Variants in RAB21 observed in about 807,000 individuals in gnomAD.
RAB21 encodes RAB21, member RAS oncogene family.
RAB21 carries 13 observed loss-of-function variants against 33.1 expected under a neutral mutation model. The observed-to-expected ratio is 0.39, with a 90% CI of 0.26 to 0.62. The LOEUF is 0.62. RAB21 is among the 20% of genes least tolerant of loss of function. The probability of loss-of-function intolerance (pLI) is 0.48; values close to 1 mark genes in which losing one functional copy is unlikely to be tolerated. For missense variants in RAB21, 234 were observed against 279.1 expected, an observed-to-expected ratio of 0.84 and a Z score of 1.15; for synonymous variants, 91 against 103.7, an observed-to-expected ratio of 0.88 and a Z score of 0.74.
rs557010151 is a variant in RAB21, at chr12:71,776,784, TA to T, written c.391+2771del. Among the ~76,000 whole-genome samples the T allele has an allele frequency of 3.2e-3, 478 of 151,178 alleles. 3 individuals are homozygous for T. Among genetic ancestry groups the T allele is most frequent in the African/African-American group, 0.01 (415 of 41,246 alleles). ...AACTTATTAGGATAACTTAAAGGAT[TA>T]AAAAAAAAGTATTTTGGGCCTCGTT... On this transcript the variant is annotated intron_variant, in intron 4 of 6. Transcript: ENST00000261263.
At position 71,798,809 on chromosome 12, in the gene RAB21, A is replaced by G. The variant is rs1883499813; in HGVS notation, c.*13136A>G. ...TAAACTGGAACAACCGCTAAGGATG[A>G]CAGTGAATTCTGAATTTATTTACCC... On this transcript the variant is annotated 3_prime_UTR_variant, in exon 7 of 7. Coordinates refer to ENST00000261263, the MANE Select transcript of RAB21 (RefSeq NM_014999.4). 6.6e-6 allele frequency: 1 copy of G among 152,228 alleles called. No homozygotes were observed. The highest frequency in any genetic ancestry group is 1.5e-5 in the Non-Finnish European group (1 of 68,042). The allele number at this position is 152,228 out of a possible 1,614,324, so 9.4% of individuals were successfully genotyped here.
chr12:71,757,187 C>T (rs1441461829), intron 1 of RAB21, among the ~76,000 whole-genome samples: 1 of 152,188 alleles, frequency 6.6e-6, no homozygotes, highest in Non-Finnish European at 1.5e-5. Flanking sequence ...CCACTCACTG[C>T]AACCTCCACC....
intron 1 of RAB21, among the ~76,000 whole-genome samples, chr12:71,761,993 T>G (rs1882879003): frequency 6.6e-6 from 1 of 152,216 alleles, no homozygotes; most frequent in African/African-American, 2.4e-5. Flanking sequence ...TGATTTATTA[T>G]AATATCTTCA....
intron 1 of RAB21, among the ~76,000 whole-genome samples, chr12:71,756,117 T>C (rs1414102016): frequency 6.6e-6 from 1 of 152,230 alleles, no homozygotes; most frequent in East Asian, 1.9e-4. Flanking sequence ...AGGAGAAATT[T>C]ATCCTACTAA....
intron 4 of RAB21, 123 bp from the exon 5 acceptor site, chr12:71,781,908 T>C: frequency 1.5e-6 from 1 of 678,108 alleles, no homozygotes; most frequent in Middle Eastern, 4.3e-4. Context: ...ACATTAGAAG[T>C]CTGGTGGGGA....
chr12:71,793,933 T>C lies in RAB21; in HGVS notation c.*8260T>C, dbSNP rs534960401. On this transcript the variant is annotated 3_prime_UTR_variant, in exon 7 of 7. Transcript: ENST00000261263. ...CTTTCCAATCAAAAGTGTTAAAAGC[T>C]GGCTGGGAGCCATGGCTCATGCCTG... 1 of 152,374 alleles carries C rather than the reference T, an allele frequency of 6.6e-6. No individual in the cohort carries two copies. Among genetic ancestry groups the C allele is most frequent in the East Asian group, 1.9e-4 (1 of 5,172 alleles). The allele number at this position is 152,374 out of a possible 1,614,324, so 9.4% of individuals were successfully genotyped here. A position where few individuals can be genotyped will look rare whatever the true frequency, so the allele number is the denominator to read the frequency against.
rs896683927 is a variant in RAB21 at position 71,782,052 on chromosome 12, A to G, written c.413A>G (p.Lys138Arg). The change falls in exon 5 of 7, where the codon AAG (lysine) becomes AGG (arginine). Residue 138 changes from lysine to arginine, a missense_variant. Transcript: ENST00000261263. ...CIVGNKIDLE[K>R]ERHVSIQEAE... is the part of the protein sequence containing the mutation. ...ATAGGTAATAAAATAGACTTGGAAA[A>G]GGAGAGACATGTTTCCATTCAAGAA... 6.2e-7 allele frequency: 1 copy of G among 1,606,296 alleles called. No individual in the cohort carries two copies. Among genetic ancestry groups the G allele is most frequent in the African/African-American group, 1.3e-5 (1 of 74,896 alleles).
intron 5 of RAB21, 143 bp from the exon 6 acceptor site, chr12:71,782,427 G>T: frequency 1.8e-6 from 1 of 557,858 alleles, no homozygotes; most frequent in Non-Finnish European, 3.1e-6. Context: ...TTAATGTATA[G>T]AGAATTTAAA....
At position 71,775,890 on chromosome 12, in the gene RAB21, G is replaced by A. The variant is rs377563193; in HGVS notation, c.391+1868G>A. Among the ~76,000 whole-genome samples, 142 of 152,150 alleles carry A rather than the reference G, an allele frequency of 9.3e-4. No individual in the cohort carries two copies. In the Middle Eastern group the frequency reaches 0.01, roughly 11 times the overall value. On this transcript the variant is annotated intron_variant, in intron 4 of 6. Coordinates refer to ENST00000261263, the MANE Select transcript of RAB21 (RefSeq NM_014999.4). Reference sequence around the variant, plus strand: ...CTTATCTCTTGCCACCATTACATTGGTAGCTTTATAGTACCAGATCAGGGG... The same window carrying A: ...CTTATCTCTTGCCACCATTACATTGATAGCTTTATAGTACCAGATCAGGGG...
In RAB21 at chr12:71,787,305, A is replaced by T. The variant is rs181792558; in HGVS notation, c.*1632A>T. On this transcript the variant is annotated 3_prime_UTR_variant, in exon 7 of 7. Transcript: ENST00000261263. ...TGAACTTAAATGTGTTAATTTTAGT[A>T]GAATCAGGCACTGCTCGCAGAAGGA... 5 of 152,290 alleles carry T rather than the reference A, an allele frequency of 3.3e-5. No individual in the cohort carries two copies. The highest frequency in any genetic ancestry group is 2.6e-4 in the Admixed American group (4 of 15,296). The allele number at this position is 152,290 out of a possible 1,614,324, so 9.4% of individuals were successfully genotyped here.
At position 71,792,710 on chromosome 12, in the gene RAB21, A is replaced by C. The variant is rs1363941589; in HGVS notation, c.*7037A>C. ...AGTGCCTTCTGTATGCCCAGTGCAC[A>C]AACTGCTATGTGCCCAGTGTACATA... On this transcript the variant is annotated 3_prime_UTR_variant, in exon 7 of 7. Coordinates refer to ENST00000261263, the MANE Select transcript of RAB21 (RefSeq NM_014999.4). 2 of 152,230 alleles carry C rather than the reference A, an allele frequency of 1.3e-5. No homozygotes were observed. The highest frequency in any genetic ancestry group is 4.8e-5 in the African/African-American group (2 of 41,462). 9.4% of individuals were successfully genotyped at this position (152,230 alleles called of 1,614,324 possible).
rs996257575 is a variant in RAB21 at position 71,789,376 on chromosome 12, T to C, written c.*3703T>C. On this transcript the variant is annotated 3_prime_UTR_variant, in exon 7 of 7. Transcript: ENST00000261263. ...GATTCTAGATAGTTGATCTTACATA[T>C]TCAGATAGTATAGTTTACTCTTATA... is the stretch of plus-strand genomic sequence containing the variant. 6.6e-6 allele frequency: 1 copy of C among 152,086 alleles called. No individual in the cohort carries two copies. Among genetic ancestry groups the C allele is most frequent in the African/African-American group, 2.4e-5 (1 of 41,440 alleles). 9.4% of individuals were successfully genotyped at this position (152,086 alleles called of 1,614,324 possible). A position where few individuals can be genotyped will look rare whatever the true frequency, so the allele number is the denominator to read the frequency against.
intron 4 of RAB21, 178 bp downstream of exon 4, chr12:71,774,200 G>A (rs569930958): frequency 5.9e-5 from 20 of 339,002 alleles, no homozygotes; most frequent in South Asian, 3.2e-4. Flanking sequence ...TAATTCCAGC[G>A]CCTTGGGAGG....
intron 1 of RAB21, among the ~76,000 whole-genome samples, chr12:71,755,703 C>A (rs1174556411): frequency 1.3e-5 from 2 of 152,194 alleles, no homozygotes; most frequent in Non-Finnish European, 2.9e-5. Context: ...TTTGTAACTT[C>A]AGCGCTTACT....
In RAB21 at chr12:71,798,806, A is replaced by G. The variant is rs1592656387; in HGVS notation, c.*13133A>G. 3.3e-5 allele frequency: 5 copies of G among 152,224 alleles called. No individual in the cohort carries two copies. Among genetic ancestry groups the G allele is most frequent in the Admixed American group, 2.6e-4 (4 of 15,278 alleles). The allele number at this position is 152,224 out of a possible 1,614,324, so 9.4% of individuals were successfully genotyped here. A position where few individuals can be genotyped will look rare whatever the true frequency, so the allele number is the denominator to read the frequency against. ...GGGTAAACTGGAACAACCGCTAAGG[A>G]TGACAGTGAATTCTGAATTTATTTA... is the stretch of plus-strand genomic sequence containing the variant. On this transcript the variant is annotated 3_prime_UTR_variant, in exon 7 of 7. Transcript: ENST00000261263.
intron 1 of RAB21, among the ~76,000 whole-genome samples, 176 bp downstream of exon 1, chr12:71,755,464 G>A (rs1360532164): frequency 1.3e-5 from 2 of 152,154 alleles, no homozygotes; most frequent in Non-Finnish European, 2.9e-5. Context: ...GGGGCAGCCT[G>A]TAGACGCGAG....
chr12:71,793,835 G>A lies in RAB21; in HGVS notation c.*8162G>A, dbSNP rs146606802. ...TTTGGGTTCTGGGTTCTAGGTTCTA[G>A]GCTAATAATTTACTACTTTGGTATG... On this transcript the variant is annotated 3_prime_UTR_variant, in exon 7 of 7. Coordinates refer to ENST00000261263, the MANE Select transcript of RAB21 (RefSeq NM_014999.4). 24 of 152,354 alleles carry A rather than the reference G, an allele frequency of 1.6e-4. No individual in the cohort carries two copies. Among genetic ancestry groups the A allele is most frequent in the African/African-American group, 5.3e-4 (22 of 41,582 alleles). 9.4% of individuals were successfully genotyped at this position (152,354 alleles called of 1,614,324 possible).
intron 1 of RAB21, among the ~76,000 whole-genome samples, chr12:71,763,418 TTC>T (rs1377053065): frequency 6.6e-6 from 1 of 152,158 alleles, no homozygotes; most frequent in Non-Finnish European, 1.5e-5. Context: ...TCCCTGTTAT[TTC>T]TCTCTTATAA....
rs1402936360 is a variant in RAB21, at chr12:71,768,766, G to T, written c.160-1034G>T. 3.9e-5 allele frequency among the ~76,000 whole-genome samples: 6 copies of T among 152,100 alleles called. 1 individual carries two copies. In the South Asian group the frequency reaches 6.2e-4, roughly 16 times the overall value. On this transcript the variant is annotated intron_variant, in intron 1 of 6. Transcript: ENST00000261263. Reference sequence around the variant, plus strand: ...TTTGGTATTTTTCCAGGAAAAAAAGGTTCAGTGCTATACAGAAGAAAATCA... The same window carrying T: ...TTTGGTATTTTTCCAGGAAAAAAAGTTTCAGTGCTATACAGAAGAAAATCA...
Sources: allele counts gnomAD v4.1 joint callset (sites outside exome capture counted in the v4.1 genomes callset), GRCh38; gene constraint gnomAD v4.1.1; transcripts MANE v1.5; gene names NCBI Gene and HGNC (gene_info 2026-07-23, HGNC 2026-07-21).